The following DNAH3 variants were observed in gnomAD, a reference collection of about 807,000 sequenced individuals.
DNAH3 encodes the protein axonemal beta dynein heavy chain 3.
DNAH3 carries 332 observed loss-of-function variants against 432.5 expected under a neutral mutation model. The observed-to-expected ratio is 0.77, with a 90% CI of 0.70 to 0.84. The LOEUF is 0.84. Among genes scored for constraint, DNAH3 ranks in the 40% least tolerant of loss-of-function variants. DNAH3 has a pLI of 0.00. For synonymous variants in DNAH3, 1,956 were observed against 1,900.2 expected, an observed-to-expected ratio of 1.03 and a Z score of -0.76; for missense variants, 4,861 against 5,114.0, an observed-to-expected ratio of 0.95 and a Z score of 1.51.
exon 39 of DNAH3, chr16:21,024,669 A>T: frequency 1.2e-6 from 2 of 1,613,824 alleles, no homozygotes; most frequent in Non-Finnish European, 1.7e-6. Context: ...CTTCCAGCCT[A>T]GTTGATGGGG....
intron 3 of DNAH3, among the ~76,000 whole-genome samples, chr16:21,143,995 C>G (rs902072976): frequency 6.6e-6 from 1 of 152,102 alleles, no homozygotes; most frequent in Non-Finnish European, 1.5e-5. Flanking sequence ...ACAGAGAAAA[C>G]AATGAAAAAT....
intron 34 of DNAH3, among the ~76,000 whole-genome samples, chr16:21,037,523 T>C (rs773819627): frequency 2.6e-5 from 4 of 152,180 alleles, no homozygotes; most frequent in Admixed American, 6.5e-5. Context: ...AAAACACATA[T>C]GTATACCCAA....
chr16:21,096,657 T>A (rs190615094), intron 18 of DNAH3, among the ~76,000 whole-genome samples: 1 of 152,100 alleles, frequency 6.6e-6, no homozygotes, highest in African/African-American at 2.4e-5. Context: ...TTTTTTTTTA[T>A]TTGTTTGTTT....
intron 18 of DNAH3, among the ~76,000 whole-genome samples, chr16:21,092,268 A>G (rs2091556986): frequency 6.6e-6 from 1 of 152,218 alleles, no homozygotes; most frequent in African/African-American, 2.4e-5. Context: ...AGAAAGTCAC[A>G]TAGATCAGTG....
At chr16:20,966,998 T>C (rs1053629725) in intron 52 of DNAH3, among the ~76,000 whole-genome samples, 1 of 152,190 alleles carries the variant, frequency 6.6e-6, no homozygotes, top group African/African-American at 2.4e-5. Flanking sequence ...TGTTGACACA[T>C]TGGAAAAAAT....
intron 25 of DNAH3, among the ~76,000 whole-genome samples, chr16:21,061,426 G>C (rs2090356526): frequency 6.6e-6 from 1 of 151,680 alleles, no homozygotes. Context: ...GTTTCGCCAT[G>C]TTGGCCAGGC....
chr16:20,989,087 A>G lies in DNAH3; in HGVS notation c.6602-1022T>C, dbSNP rs190324506. ...AAGAGCGAAAGAACAAAGCTTCCAC[A>G]GTGCGGAAAGAGACCCGAGCGGGTT... On this transcript the variant is annotated intron_variant, in intron 44 of 61. Transcript: ENST00000261383. 2.8e-3 allele frequency among the ~76,000 whole-genome samples: 424 copies of G among 152,334 alleles called. 1 individual carries two copies. The highest frequency in any genetic ancestry group is 9.8e-3 in the African/African-American group (409 of 41,580).
At chr16:21,137,003 G>A (rs140588325) in intron 5 of DNAH3, among the ~76,000 whole-genome samples, 117 of 152,078 alleles carry the variant, frequency 7.7e-4, no homozygotes, top group African/African-American at 2.7e-3. Flanking sequence ...GCGTGGTGGC[G>A]CACACCTGTA....
chr16:21,159,162 G>A (rs1191679020), intron 1 of DNAH3, among the ~76,000 whole-genome samples: 1 of 152,010 alleles, frequency 6.6e-6, no homozygotes, highest in African/African-American at 2.4e-5. Flanking sequence ...TCACCACCCA[G>A]CCCCTCTTCT....
intron 25 of DNAH3, among the ~76,000 whole-genome samples, 175 bp from the exon 26 acceptor site, chr16:21,060,531 T>C (rs1480520519): frequency 7.3e-6 from 1 of 137,288 alleles, no homozygotes; most frequent in Non-Finnish European, 1.5e-5. Flanking sequence ...TTTTTCTTTT[T>C]TTTTTTTTTT....
intron 1 of DNAH3, chr16:21,150,372 C>T (rs1266408483): frequency 9.0e-6 from 4 of 445,160 alleles, no homozygotes; most frequent in Non-Finnish European, 1.8e-5. Context: ...GAGCTTTCAG[C>T]TTCTCCAGGG....
rs561412964 is a variant in DNAH3, at chr16:20,957,708, G to A, written c.10826+1471C>T. ...ATGCCTGTAGTAGCCTCAGGAGGCC[G>A]AGGCAGGAGAATCGCTTGAACCCGG... On this transcript the variant is annotated intron_variant, in intron 54 of 61. Transcript: ENST00000261383. Among the ~76,000 whole-genome samples the A allele has an allele frequency of 4.6e-4, 70 of 150,804 alleles. No individual in the cohort carries two copies. In the East Asian group the frequency reaches 0.011, roughly 23 times the overall value.
chr16:20,935,776 G>A (rs895228419), intron 60 of DNAH3, among the ~76,000 whole-genome samples: 1 of 151,288 alleles, frequency 6.6e-6, no homozygotes, highest in Non-Finnish European at 1.5e-5. Context: ...CCAGGAGGCA[G>A]AGGTTGCAGT....
chr16:21,150,742 G>C lies in DNAH3; in HGVS notation c.118-4654C>G, dbSNP rs371014716. The C allele has an allele frequency of 6.4e-6, 1 of 156,130 alleles. No homozygotes were observed. The highest frequency in any genetic ancestry group is 6.3e-5 in the Admixed American group (1 of 15,916). The allele number at this position is 156,130 out of a possible 1,614,324, so 9.7% of individuals were successfully genotyped here. ...GTTACACATTAATACAGAGAAGAGG[G>C]AGACTCACCCCTCCAAACAACATCC... On this transcript the variant is annotated intron_variant, in intron 1 of 61. Coordinates refer to ENST00000261383, the Ensembl canonical transcript of DNAH3.
intron 12 of DNAH3, among the ~76,000 whole-genome samples, chr16:21,115,795 T>C (rs1174732059): frequency 6.6e-6 from 1 of 151,512 alleles, no homozygotes; most frequent in Admixed American, 6.6e-5. Context: ...TAACTGTGTG[T>C]CTAAGAGTCC....
At chr16:21,042,034 T>C (rs761826837) in exon 32 of DNAH3, 5 of 1,613,874 alleles carry the variant, frequency 3.1e-6, no homozygotes, top group African/African-American at 1.3e-5. Flanking sequence ...TACCTTGAGA[T>C]TGTCGGGCAG....
Position 20,985,592 on chromosome 16 carries a change from G to GT in DNAH3, c.7149dup (p.Gln2384ThrfsTer31). 1 of 1,614,228 alleles carries GT rather than the reference G, an allele frequency of 6.2e-7. No homozygotes were observed. Among genetic ancestry groups the GT allele is most frequent in the Non-Finnish European group, 8.5e-7 (1 of 1,180,048 alleles). Reference sequence around the variant, plus strand: ...TAGTGCTCCATGACCACAGTCAGCTGTTTCAGGTCAGTGATCTCATCGTAG... The same window carrying GT: ...TAGTGCTCCATGACCACAGTCAGCTGTTTTCAGGTCAGTGATCTCATCGTAG... On this transcript the variant is annotated frameshift_variant, in exon 48 of 62. Transcript: ENST00000261383. LOFTEE classifies it high-confidence loss of function.
intron 1 of DNAH3, among the ~76,000 whole-genome samples, chr16:21,147,985 G>A (rs1290601729): frequency 1.3e-5 from 2 of 152,116 alleles, no homozygotes; most frequent in Admixed American, 1.3e-4. Context: ...GATTTTCAAG[G>A]GCAATTTTGA....
At chr16:21,158,482 A>T (rs1251227616) in intron 1 of DNAH3, 1 of 152,360 alleles carries the variant, frequency 6.6e-6, no homozygotes, top group African/African-American at 2.4e-5. Context: ...GGCTTGTTCT[A>T]GTGGCTCCGA....
Sources: gnomAD v4.1 joint callset for allele counts (sites outside exome capture counted in the v4.1 genomes callset) on GRCh38, gnomAD v4.1.1 for gene constraint, MANE v1.5 for transcripts, NCBI Gene and HGNC (gene_info 2026-07-23, HGNC 2026-07-21) for gene names.